Variants in GABBR2 observed in about 807,000 individuals in gnomAD.
GABBR2 encodes gamma-aminobutyric acid type B receptor subunit 2.
In GABBR2, 23 loss-of-function variants were observed where a neutral mutation model predicts 105.6. The ratio of observed to expected loss-of-function variants is 0.22; its 90% CI spans 0.16 to 0.31. The LOEUF (loss-of-function observed/expected upper bound fraction) is 0.31. Ranked by LOEUF, GABBR2 falls within the 10% of genes least tolerant of loss-of-function variation. The pLI is 1.00. For missense variants in GABBR2, 734 were observed against 1,245.5 expected (o/e 0.59, Z 6.18); for synonymous variants, 478 against 499.7 (o/e 0.96, Z 0.58).
intron 2 of GABBR2, among the ~76,000 whole-genome samples, chr9:98,562,544 A>G (rs892479740): frequency 6.6e-6 from 1 of 152,178 alleles, no homozygotes; most frequent in Non-Finnish European, 1.5e-5. Context: ...GTGTGTGCAA[A>G]CTAATATCAC....
At position 98,288,370 on chromosome 9, in the gene GABBR2, T is replaced by A. The variant is rs1201606195; in HGVS notation, c.*2214A>T. 3 of 152,494 alleles carry A rather than the reference T, an allele frequency of 2.0e-5. No homozygotes were observed. Among genetic ancestry groups the A allele is most frequent in the East Asian group, 3.9e-4 (2 of 5,182 alleles). 9.4% of individuals were successfully genotyped at this position (152,494 alleles called of 1,614,324 possible). ...TATTTGCGAGGAAATTAAAAAAAAA[T>A]GGGTGAACCTACAGTATCAGTAAGA... is the stretch of plus-strand genomic sequence containing the variant. On this transcript the variant is annotated 3_prime_UTR_variant, in exon 19 of 19. Coordinates refer to ENST00000259455, the MANE Select transcript of GABBR2 (RefSeq NM_005458.8).
At chr9:98,400,176 G>C (rs906125060) in intron 8 of GABBR2, among the ~76,000 whole-genome samples, 1 of 147,292 alleles carries the variant, frequency 6.8e-6, no homozygotes, top group African/African-American at 2.5e-5. Context: ...AACAGAGGGA[G>C]ACCCTGCCTT....
At chr9:98,430,288 CA>C (rs55760467) in intron 7 of GABBR2, among the ~76,000 whole-genome samples, 2,915 of 88,972 alleles carry the variant, frequency 0.033, 13 homozygotes, top group African/African-American at 0.062. Flanking sequence ...GACTCCGTCT[CA>C]AAAAAAAAAA....
chr9:98,404,133 T>C (rs1029672733), intron 8 of GABBR2, among the ~76,000 whole-genome samples: 17 of 151,354 alleles, frequency 1.1e-4, no homozygotes, highest in Admixed American at 1.1e-3. Context: ...TTTTACAAAA[T>C]ACTTTCTTAG....
intron 1 of GABBR2, among the ~76,000 whole-genome samples, chr9:98,683,096 C>T (rs138360466): frequency 6.6e-6 from 1 of 152,226 alleles, no homozygotes; most frequent in African/African-American, 2.4e-5. Context: ...CTCTCTTTCC[C>T]CCCTCCACCT....
At chr9:98,350,127 T>C (rs1831371059) in intron 13 of GABBR2, among the ~76,000 whole-genome samples, 1 of 151,824 alleles carries the variant, frequency 6.6e-6, no homozygotes, top group Non-Finnish European at 1.5e-5. Flanking sequence ...TTTATTTTCA[T>C]CTTTTTTTTC....
chr9:98,503,897 G>C (rs1389743016), intron 3 of GABBR2, among the ~76,000 whole-genome samples: 2 of 152,154 alleles, frequency 1.3e-5, no homozygotes, highest in African/African-American at 4.8e-5. Context: ...GAACCTCTGG[G>C]ATAGGACCCA....
At chr9:98,422,735 A>G (rs1322296054) in intron 7 of GABBR2, among the ~76,000 whole-genome samples, 1 of 151,206 alleles carries the variant, frequency 6.6e-6, no homozygotes, top group African/African-American at 2.4e-5. Context: ...AGCATTAGGT[A>G]TATCTCCCAA....
chr9:98,386,961 C>G (rs1046743326), intron 10 of GABBR2, among the ~76,000 whole-genome samples: 4 of 152,188 alleles, frequency 2.6e-5, no homozygotes, highest in Non-Finnish European at 5.9e-5. Context: ...ACCTGTATAA[C>G]TGATCCTGTT....
chr9:98,421,916 C>T (rs58531072), intron 7 of GABBR2, among the ~76,000 whole-genome samples: 9,667 of 152,216 alleles, frequency 0.064, 552 homozygotes, highest in African/African-American at 0.16. Context: ...AACCCAGAGG[C>T]AGAACTTCTC....
chr9:98,296,684 G>A (rs1490061710), intron 17 of GABBR2, among the ~76,000 whole-genome samples: 3 of 152,168 alleles, frequency 2.0e-5, no homozygotes, highest in Non-Finnish European at 4.4e-5. Context: ...TTCCTTTTAT[G>A]AGAACTCTCT....
chr9:98,701,369 G>T (rs925273901), intron 1 of GABBR2, among the ~76,000 whole-genome samples: 1 of 152,172 alleles, frequency 6.6e-6, no homozygotes, highest in Admixed American at 6.5e-5. Flanking sequence ...TTTCTGGGGC[G>T]CTCATATTGC....
At chr9:98,462,133 C>G (rs930469537) in intron 6 of GABBR2, among the ~76,000 whole-genome samples, 1 of 152,176 alleles carries the variant, frequency 6.6e-6, no homozygotes, top group African/African-American at 2.4e-5. Context: ...CTGCTTCTGC[C>G]TAGTCTCTCT....
intron 7 of GABBR2, among the ~76,000 whole-genome samples, chr9:98,426,338 G>A (rs544107446): frequency 1.2e-3 from 188 of 152,346 alleles, no homozygotes; most frequent in African/African-American, 4.2e-3. Context: ...TGCTGGCTCC[G>A]TGTATAGGTT....
chr9:98,419,766 T>C (rs1202595586), intron 7 of GABBR2, among the ~76,000 whole-genome samples: 1 of 152,126 alleles, frequency 6.6e-6, no homozygotes, highest in African/African-American at 2.4e-5. Flanking sequence ...TCTTGTTTTG[T>C]ATGGGTGTAG....
At chr9:98,354,940 T>G (rs1831460201) in intron 13 of GABBR2, among the ~76,000 whole-genome samples, 1 of 152,214 alleles carries the variant, frequency 6.6e-6, no homozygotes, top group South Asian at 2.1e-4. Context: ...TCAACCTGCC[T>G]TCCTCACTAA....
At position 98,547,086 on chromosome 9, in the gene GABBR2, G is replaced by A. The variant is rs545181654; in HGVS notation, c.460-5043C>T. On this transcript the variant is annotated intron_variant, in intron 2 of 18. Transcript: ENST00000259455. The stretch of plus-strand genomic sequence containing the variant: ...GCTGGCTTGATTGTCACTGATTGTC[G>A]TTCATTTGTAGGTACCCAGTTTCCT... 1.2e-4 allele frequency among the ~76,000 whole-genome samples: 14 copies of A among 118,574 alleles called. 3 individuals are homozygous for A. Among genetic ancestry groups the A allele is most frequent in the African/African-American group, 3.8e-4 (14 of 37,226 alleles). 77.8% of individuals were successfully genotyped at this position (118,574 alleles called of 152,430 possible).
chr9:98,463,716 A>G (rs953576483), intron 6 of GABBR2, among the ~76,000 whole-genome samples: 5 of 149,712 alleles, frequency 3.3e-5, no homozygotes, highest in Admixed American at 2.6e-4. Flanking sequence ...GCTCGCTGCA[A>G]CCTCCCTGCC....
chr9:98,451,881 C>T (rs1449514536), intron 7 of GABBR2, among the ~76,000 whole-genome samples: 1 of 152,196 alleles, frequency 6.6e-6, no homozygotes, highest in Non-Finnish European at 1.5e-5. Flanking sequence ...CAGCCCCTGT[C>T]TTCATGTCTA....
Sources: gnomAD v4.1 joint callset for allele counts (sites outside exome capture counted in the v4.1 genomes callset) on GRCh38, gnomAD v4.1.1 for gene constraint, MANE v1.5 for transcripts, NCBI Gene and HGNC (gene_info 2026-07-23, HGNC 2026-07-21) for gene names.